The following XPO7 variants were observed in gnomAD, a reference collection of about 807,000 sequenced individuals.
XPO7 encodes the protein exportin 7, also known as exportin-7.
A neutral mutation model predicts 144.3 loss-of-function variants in XPO7; 21 were observed. The ratio of observed to expected loss-of-function variants is 0.15; its 90% CI spans 0.10 to 0.21. XPO7 has a LOEUF of 0.21. Ranked by LOEUF, XPO7 falls within the 10% of genes least tolerant of loss-of-function variation. The pLI is 1.00. For missense variants in XPO7, 808 were observed against 1,325.8 expected (o/e 0.61, Z 6.06); for synonymous variants, 580 against 499.6 (o/e 1.16, Z -2.15).
intron 24 of XPO7, 35 bp from the exon 25 acceptor site, chr8:22,002,077 C>T (rs1257774296): frequency 1.3e-6 from 2 of 1,575,188 alleles, no homozygotes; most frequent in African/African-American, 2.7e-5. Flanking sequence ...CCACCATCAG[C>T]AGCTCTGTCC....
At chr8:21,993,150 T>C (rs1376746831) in intron 19 of XPO7, among the ~76,000 whole-genome samples, 2 of 129,928 alleles carry the variant, frequency 1.5e-5, no homozygotes, top group East Asian at 2.1e-4. Context: ...TTACCAACTT[T>C]AGGCTAGAGT....
intron 6 of XPO7, among the ~76,000 whole-genome samples, chr8:21,975,923 G>C (rs1307612232): frequency 6.6e-6 from 1 of 152,178 alleles, no homozygotes; most frequent in African/African-American, 2.4e-5. Flanking sequence ...GATGGTGGTT[G>C]TAAAAACGAG....
rs770480837 is a variant in XPO7 at position 22,004,015 on chromosome 8, C to T, written c.3155C>T (p.Thr1052Met). ...LMEGIERNLLTKNRDRFTQNL... is the reference protein window; with the variant it reads ...LMEGIERNLLMKNRDRFTQNL... ...GAAGGCATCGAGCGAAATCTTCTTA[C>T]GAAAAACAGAGACAGGTGAGTATAA... Residue 1052 changes from threonine (T) to methionine (M), a missense_variant, in exon 27 of 28, where the codon ACG becomes ATG. By Grantham distance (81) the Thr-to-Met change is moderately conservative. Coordinates refer to ENST00000252512, the MANE Select transcript of XPO7 (RefSeq NM_015024.5). 7 of 1,613,602 alleles carry T rather than the reference C, an allele frequency of 4.3e-6. No individual in the cohort carries two copies. Among genetic ancestry groups the T allele is most frequent in the South Asian group, 3.3e-5 (3 of 91,060 alleles).
chr8:21,930,436 C>T (rs1336677695), intron 1 of XPO7, among the ~76,000 whole-genome samples: 1 of 152,132 alleles, frequency 6.6e-6, no homozygotes, highest in Non-Finnish European at 1.5e-5. Context: ...CACATCTATG[C>T]ATAGAACATA....
At chr8:21,993,966 TCTCCCCCTCC>T (rs1371628501) in intron 19 of XPO7, among the ~76,000 whole-genome samples, 1 of 119,290 alleles carries the variant, frequency 8.4e-6, no homozygotes, top group African/African-American at 3.2e-5. Flanking sequence ...CCCCACCCTC[TCTCCCCCTCC>T]CTCCCCTCCT....
At chr8:21,988,108 G>C (rs3943207) in intron 15 of XPO7, among the ~76,000 whole-genome samples, 1 of 152,098 alleles carries the variant, frequency 6.6e-6, no homozygotes, top group African/African-American at 2.4e-5. Flanking sequence ...GGAATCACAG[G>C]TGAAACTCTG....
intron 1 of XPO7, among the ~76,000 whole-genome samples, chr8:21,950,880 G>C (rs1226315671): frequency 6.6e-6 from 1 of 151,984 alleles, no homozygotes; most frequent in Admixed American, 6.6e-5. Context: ...CCAGCACTTT[G>C]GGAGGCTGAG....
chr8:22,005,878 C>T lies in XPO7; in HGVS notation c.*790C>T, dbSNP rs1380865501. 2 of 152,220 alleles carry T rather than the reference C, an allele frequency of 1.3e-5. No homozygotes were observed. Among genetic ancestry groups the T allele is most frequent in the Non-Finnish European group, 2.9e-5 (2 of 68,082 alleles). 9.4% of individuals were successfully genotyped at this position (152,220 alleles called of 1,614,324 possible). ...TCCACCCTCTTTCCTACTTTGCTTA[C>T]CCTCATCCTCAGACAGATGCCTCTT... On this transcript the variant is annotated 3_prime_UTR_variant, in exon 28 of 28. Coordinates refer to ENST00000252512, the MANE Select transcript of XPO7 (RefSeq NM_015024.5).
At chr8:21,950,174 C>G (rs2117287765) in intron 1 of XPO7, among the ~76,000 whole-genome samples, 1 of 152,318 alleles carries the variant, frequency 6.6e-6, no homozygotes, top group Non-Finnish European at 1.5e-5. Context: ...TTTGGGAAAT[C>G]TTTTACGTTT....
intron 1 of XPO7, chr8:21,966,101 C>T (rs1264721650): frequency 1.6e-6 from 1 of 610,690 alleles, no homozygotes; most frequent in Middle Eastern, 4.1e-4. Context: ...AAAGCACACA[C>T]CCATACCCCT....
chr8:21,991,020 T>C (rs1280496475), intron 18 of XPO7, 101 bp downstream of exon 18: 21 of 1,041,758 alleles, frequency 2.0e-5, no homozygotes, highest in Non-Finnish European at 2.9e-5. Flanking sequence ...TTTTCTGTTT[T>C]TTCAACAGTA....
chr8:21,994,915 G>T (rs561255059), intron 20 of XPO7, among the ~76,000 whole-genome samples: 7 of 152,062 alleles, frequency 4.6e-5, no homozygotes, highest in African/African-American at 1.7e-4. Flanking sequence ...TTAGCCAGGC[G>T]TGGTGGCGGG....
At position 21,976,134 on chromosome 8, in the gene XPO7, C is replaced by T. The variant is rs118118945; in HGVS notation, c.598-222C>T. On this transcript the variant is annotated intron_variant, in intron 6 of 27. Coordinates refer to ENST00000252512, the MANE Select transcript of XPO7 (RefSeq NM_015024.5). ...TTAAAACAGGGCTTTCTTTAAATAC[C>T]AACTTCATGTTTTTATAGTAAATAT... 6.2e-3 allele frequency among the ~76,000 whole-genome samples: 944 copies of T among 152,208 alleles called. 10 individuals are homozygous for T. The highest frequency in any genetic ancestry group is 0.027 in the Middle Eastern group (8 of 294).
chr8:22,005,104 T>C lies in XPO7; in HGVS notation c.*16T>C, dbSNP rs779790347. On this transcript the variant is annotated 3_prime_UTR_variant, in exon 28 of 28. Coordinates refer to ENST00000252512, the MANE Select transcript of XPO7 (RefSeq NM_015024.5). ...GATGAGCTGACACCTCCTTGGACTC[T>C]ACCTGTACAGAGCAGCGTCCCTTTG... The C allele has an allele frequency of 1.9e-6, 3 of 1,602,810 alleles. No homozygotes were observed. Among genetic ancestry groups the C allele is most frequent in the Admixed American group, 3.4e-5 (2 of 59,596 alleles).
At chr8:21,986,834 C>T (rs945139557) in intron 13 of XPO7, among the ~76,000 whole-genome samples, 3 of 152,210 alleles carry the variant, frequency 2.0e-5, no homozygotes, top group South Asian at 2.1e-4. Flanking sequence ...CGCATTCACT[C>T]ACTTGCATTC....
chr8:22,003,041 A>G, intron 25 of XPO7, 178 bp from the exon 26 acceptor site: 1 of 455,416 alleles, frequency 2.2e-6, no homozygotes, highest in Non-Finnish European at 3.9e-6. Flanking sequence ...TGAATATCTT[A>G]GAAGAAAAGG....
chr8:21,973,189 C>G (rs1480695887), intron 5 of XPO7, among the ~76,000 whole-genome samples: 1 of 152,178 alleles, frequency 6.6e-6, no homozygotes, highest in Non-Finnish European at 1.5e-5. Flanking sequence ...TACTATTTAA[C>G]CACTCTTATC....
At chr8:22,001,315 A>C (rs1253465560) in intron 24 of XPO7, among the ~76,000 whole-genome samples, 2 of 152,102 alleles carry the variant, frequency 1.3e-5, no homozygotes, top group African/African-American at 2.4e-5. Flanking sequence ...TATCAAAAAA[A>C]AAAAAAAGAA....
intron 21 of XPO7, 66 bp from the exon 22 acceptor site, chr8:21,998,689 C>T (rs1181638031): frequency 1.4e-6 from 2 of 1,388,388 alleles, no homozygotes; most frequent in African/African-American, 1.4e-5. Context: ...CAGATGAGAG[C>T]CTCAAGTACC....
Sources: allele counts gnomAD v4.1 joint callset (sites outside exome capture counted in the v4.1 genomes callset), GRCh38; gene constraint gnomAD v4.1.1; transcripts MANE v1.5; gene names NCBI Gene and HGNC (gene_info 2026-07-23, HGNC 2026-07-21).